The following GRM8 variants were observed in gnomAD, a reference collection of about 807,000 sequenced individuals.
The protein encoded by GRM8 is glutamate metabotropic receptor 8.
A neutral mutation model predicts 87.2 loss-of-function variants in GRM8; 47 were observed. That is an observed-to-expected ratio of 0.54 (90% CI 0.43 to 0.69). GRM8 has a LOEUF of 0.69. Ranked by LOEUF, GRM8 falls within the 30% of genes least tolerant of loss-of-function variation. The pLI, the probability that GRM8 is intolerant of heterozygous loss-of-function variation, is 0.00. For synonymous variants in GRM8, 396 were observed against 404.5 expected (o/e 0.98, Z 0.25); for missense variants, 1,019 against 1,139.2 (o/e 0.89, Z 1.52).
chr7:126,580,441 C>T (rs1795503384), intron 8 of GRM8, among the ~76,000 whole-genome samples: 1 of 152,056 alleles, frequency 6.6e-6, no homozygotes, highest in Non-Finnish European at 1.5e-5. Context: ...TGATCTTCTT[C>T]TTAAGGCTTT....
chr7:126,575,710 T>G (rs1379369271), intron 8 of GRM8, among the ~76,000 whole-genome samples: 2 of 152,168 alleles, frequency 1.3e-5, no homozygotes, highest in East Asian at 3.8e-4. Context: ...ATACACACTG[T>G]TTTTTGAAAT....
intron 8 of GRM8, among the ~76,000 whole-genome samples, chr7:126,580,124 T>A (rs1795473837): frequency 6.6e-6 from 1 of 152,184 alleles, no homozygotes; most frequent in South Asian, 2.1e-4. Flanking sequence ...TGGTTTTCTC[T>A]GAGGGCCATC....
chr7:127,009,770 G>T (rs111902197), intron 3 of GRM8, among the ~76,000 whole-genome samples: 3,442 of 151,996 alleles, frequency 0.023, 58 homozygotes, highest in Non-Finnish European at 0.034. Context: ...AGTATAGAAA[G>T]AAGTCATTCT....
At chr7:127,205,547 A>G (rs928464477) in intron 2 of GRM8, among the ~76,000 whole-genome samples, 5 of 152,104 alleles carry the variant, frequency 3.3e-5, no homozygotes, top group Non-Finnish European at 7.4e-5. Context: ...TGCCACATCT[A>G]CAGGGCTACC....
rs1459492017 is a variant in GRM8, at chr7:126,533,513, G to A, written c.1869C>T (p.Tyr623=). The A allele has an allele frequency of 1.5e-5, 25 of 1,614,076 alleles. No homozygotes were observed. Among genetic ancestry groups the A allele is most frequent in the East Asian group, 2.2e-5 (1 of 44,864 alleles). Residue 623 remains tyrosine (Y), a synonymous_variant, in exon 9 of 11, where the codon TAC becomes TAT. Transcript: ENST00000339582. ...AGAGAAAAATCCCCGTTAGGAGCAC[G>A]TAACTAAGTTCGCGTCCTGAAGCCC... ...IVRASGRELS[Y]VLLTGIFLCY... is the part of the protein sequence containing the mutation.
chr7:126,495,395 G>T (rs1808577412), intron 9 of GRM8, among the ~76,000 whole-genome samples: 1 of 151,918 alleles, frequency 6.6e-6, no homozygotes, highest in Non-Finnish European at 1.5e-5. Flanking sequence ...CATTAATTGG[G>T]GGATGCTACT....
chr7:126,670,613 T>A (rs906539160), intron 7 of GRM8, among the ~76,000 whole-genome samples: 7 of 152,190 alleles, frequency 4.6e-5, no homozygotes, highest in African/African-American at 1.7e-4. Context: ...CTTTAACAGG[T>A]ACTTTCAAAT....
At position 126,532,949 on chromosome 7, in the gene GRM8, T is replaced by TA; in HGVS notation, c.2430+2dup. ...GTTGTCAAGTGTATTTCCTTCTACT[T>TA]ACCTTTTCTGCTGACTGGGCTGTAC... On this transcript the variant is annotated splice_region_variant and intron_variant, in intron 9 of 10. Transcript: ENST00000339582. The TA allele has an allele frequency of 6.3e-7, 1 of 1,585,010 alleles. No individual in the cohort carries two copies. The highest frequency in any genetic ancestry group is 8.6e-7 in the Non-Finnish European group (1 of 1,160,588).
intron 7 of GRM8, among the ~76,000 whole-genome samples, chr7:126,615,348 C>G (rs923704175): frequency 3.9e-5 from 6 of 152,066 alleles, no homozygotes; most frequent in African/African-American, 1.4e-4. Context: ...ACCACCAGGC[C>G]TGCCCTACAA....
chr7:126,716,616 C>A (rs1403138799), intron 7 of GRM8, among the ~76,000 whole-genome samples: 1 of 152,158 alleles, frequency 6.6e-6, no homozygotes, highest in African/African-American at 2.4e-5. Context: ...CTGATGCATG[C>A]TCTCTTTTGT....
chr7:126,790,455 A>C (rs1422632616), intron 6 of GRM8, among the ~76,000 whole-genome samples: 1 of 152,252 alleles, frequency 6.6e-6, no homozygotes, highest in Non-Finnish European at 1.5e-5. Context: ...ATGTAGCTTC[A>C]TAAAGATGCA....
intron 3 of GRM8, among the ~76,000 whole-genome samples, chr7:127,040,380 G>A (rs1586827965): frequency 6.6e-6 from 1 of 152,056 alleles, no homozygotes; most frequent in South Asian, 2.1e-4. Context: ...GCCCAGCAAG[G>A]ACTTTACACT....
intron 3 of GRM8, among the ~76,000 whole-genome samples, chr7:126,947,358 G>T (rs1326712961): frequency 6.6e-6 from 1 of 152,116 alleles, no homozygotes; most frequent in Non-Finnish European, 1.5e-5. Flanking sequence ...TATATTATCA[G>T]TCAATATTAT....
chr7:126,824,297 G>A (rs542487401), intron 6 of GRM8, among the ~76,000 whole-genome samples: 3 of 152,014 alleles, frequency 2.0e-5, no homozygotes, highest in African/African-American at 7.2e-5. Flanking sequence ...TTAGCATTGT[G>A]TCACAAAAAA....
chr7:126,768,937 A>T (rs1021307009), intron 7 of GRM8, among the ~76,000 whole-genome samples: 1 of 150,124 alleles, frequency 6.7e-6, no homozygotes, highest in East Asian at 1.9e-4. Flanking sequence ...CAAAAAAAAA[A>T]AAAATAAAGA....
intron 3 of GRM8, among the ~76,000 whole-genome samples, chr7:126,974,475 A>G (rs1017010614): frequency 6.6e-6 from 1 of 152,150 alleles, no homozygotes; most frequent in Non-Finnish European, 1.5e-5. Flanking sequence ...AATAAAATTT[A>G]TCTTAAAAAA....
At chr7:127,166,935 A>G (rs545586449) in intron 2 of GRM8, among the ~76,000 whole-genome samples, 1 of 152,264 alleles carries the variant, frequency 6.6e-6, no homozygotes, top group East Asian at 1.9e-4. Context: ...ACCCTGATCA[A>G]AGGAAAGGAT....
chr7:126,575,352 T>A (rs967196592), intron 8 of GRM8, among the ~76,000 whole-genome samples: 2 of 151,648 alleles, frequency 1.3e-5, no homozygotes, highest in African/African-American at 4.9e-5. Flanking sequence ...GAAAATAAGC[T>A]CAGGGCTCCC....
chr7:126,921,100 A>C (rs534097646), intron 3 of GRM8, among the ~76,000 whole-genome samples: 1 of 152,276 alleles, frequency 6.6e-6, no homozygotes, highest in South Asian at 2.1e-4. Flanking sequence ...CAAAGCAAAC[A>C]GAAGAGGTAA....
Sources: gnomAD v4.1 joint callset for allele counts (sites outside exome capture counted in the v4.1 genomes callset) on GRCh38, gnomAD v4.1.1 for gene constraint, MANE v1.5 for transcripts, NCBI Gene and HGNC (gene_info 2026-07-23, HGNC 2026-07-21) for gene names.